LRPPRC: variants seen among roughly 807,000 people sequenced by gnomAD.
LRPPRC encodes leucine rich pentatricopeptide repeat containing.
Under a neutral mutation model 180.3 loss-of-function variants are expected in LRPPRC, and 120 were observed. That is an observed-to-expected ratio of 0.67 (90% confidence interval 0.57 to 0.77). The LOEUF is 0.77. LRPPRC is among the 30% of genes least tolerant of loss of function. The pLI is 0.00. For missense variants in LRPPRC, 2,012 were observed against 1,657.2 expected (o/e 1.21, Z -3.72); for synonymous variants, 723 against 600.0 (o/e 1.21, Z -3.00).
At chr2:43,992,400 T>A (rs115699812) in intron 1 of LRPPRC, among the ~76,000 whole-genome samples, 4 of 152,074 alleles carry the variant, frequency 2.6e-5, no homozygotes, top group Non-Finnish European at 5.9e-5. Flanking sequence ...CACTTCAAAG[T>A]AGTAGTCTGG....
chr2:43,972,842 C>G (rs1673878069), intron 11 of LRPPRC, among the ~76,000 whole-genome samples: 1 of 152,142 alleles, frequency 6.6e-6, no homozygotes, highest in African/African-American at 2.4e-5. Flanking sequence ...CATTCCAAAG[C>G]ACATTATACT....
chr2:43,947,283 G>A lies in LRPPRC; in HGVS notation c.2053C>T (p.Leu685Phe). The A allele has an allele frequency of 6.3e-7, 1 of 1,588,328 alleles. No homozygotes were observed. The highest frequency in any genetic ancestry group is 8.6e-7 in the Non-Finnish European group (1 of 1,159,342). ...NQPIRDVLKQ[L>F]ILVLCSEENM... ...TCTTCTGAACAAAGCACTAATATGAGTTGCTTTAGGACATCTCTTATAGGT... is the reference window on the plus strand; with the variant it reads ...TCTTCTGAACAAAGCACTAATATGAATTGCTTTAGGACATCTCTTATAGGT... The change falls in exon 20 of 38, where the codon CTC becomes TTC. Residue 685 changes from leucine (L) to phenylalanine (F), a missense_variant. Physicochemically the swap from Leu to Phe is conservative, Grantham distance 22. Transcript: ENST00000260665.
upstream of LRPPRC, chr2:43,995,991 A>C (rs1285937000): frequency 2.0e-5 from 30 of 1,520,568 alleles, no homozygotes; most frequent in Non-Finnish European, 2.5e-5. Context: ...CGCCAGAAGG[A>C]CAGGAGGAGC....
chr2:43,948,233 G>A, intron 17 of LRPPRC, 34 bp from the exon 18 acceptor site: 1 of 1,208,688 alleles, frequency 8.3e-7, no homozygotes, highest in Non-Finnish European at 1.2e-6. Flanking sequence ...GAAAAAACCT[G>A]AGTTTTAGAC....
intron 16 of LRPPRC, among the ~76,000 whole-genome samples, chr2:43,948,994 G>C (rs1170976948): frequency 1.3e-5 from 2 of 152,070 alleles, no homozygotes; most frequent in Non-Finnish European, 2.9e-5. Flanking sequence ...ATCCTGTGGA[G>C]AGCTGCCTAT....
At chr2:43,894,291 G>A (rs183978350) in intron 36 of LRPPRC, among the ~76,000 whole-genome samples, 85 of 152,260 alleles carry the variant, frequency 5.6e-4, no homozygotes, top group Middle Eastern at 3.4e-3. Context: ...AATATACCCG[G>A]ACTGCTCGGA....
chr2:43,933,134 G>T lies in LRPPRC; in HGVS notation c.2736+1056C>A, dbSNP rs557233677. Reference sequence around the variant, plus strand: ...AGCACCTGTCCAAGATAGCACGATAGCATGCCCCACTGTCTGCTGACAAGT... The same window carrying T: ...AGCACCTGTCCAAGATAGCACGATATCATGCCCCACTGTCTGCTGACAAGT... On this transcript the variant is annotated intron_variant, in intron 25 of 37. Coordinates refer to ENST00000260665, the MANE Select transcript of LRPPRC (RefSeq NM_133259.4). Among the ~76,000 whole-genome samples, 38 of 152,282 alleles carry T rather than the reference G, an allele frequency of 2.5e-4. No homozygotes were observed. In the South Asian group the frequency reaches 7.3e-3, roughly 29 times the overall value.
In LRPPRC at chr2:43,974,833, C is replaced by T. The variant is rs756515233; in HGVS notation, c.865-75G>A. Reference sequence around the variant, plus strand: ...AAGTATTAAAGCTAAATAAAATATCCAGATTCAAAAAACTAGGGAAAAATA... The same window carrying T: ...AAGTATTAAAGCTAAATAAAATATCTAGATTCAAAAAACTAGGGAAAAATA... On this transcript the variant is annotated intron_variant, in intron 7 of 37. Transcript: ENST00000260665. The T allele has an allele frequency of 7.2e-4, 1,043 of 1,458,638 alleles. 2 individuals are homozygous for T. In the Middle Eastern group the frequency reaches 9.4e-3, roughly 13 times the overall value. The allele number at this position is 1,458,638 out of a possible 1,614,324, so 90.4% of individuals were successfully genotyped here. A position where few individuals can be genotyped will look rare whatever the true frequency, so the allele number is the denominator to read the frequency against.
Position 43,979,422 on chromosome 2 carries a change from A to T in LRPPRC, c.469+404T>A, listed in dbSNP as rs536608937. The stretch of plus-strand genomic sequence containing the variant: ...CCATAATTTATTTACCTAATCCCCT[A>T]GAGAAGAATATTTGAATTGGTTCCA... On this transcript the variant is annotated intron_variant, in intron 3 of 37. Transcript: ENST00000260665. Among the ~76,000 whole-genome samples the T allele has an allele frequency of 6.5e-4, 99 of 152,312 alleles. 1 individual carries two copies. The highest frequency in any genetic ancestry group is 2.4e-3 in the African/African-American group (99 of 41,584).
chr2:43,917,352 TTC>T (rs1050043799), intron 29 of LRPPRC, among the ~76,000 whole-genome samples: 5 of 151,914 alleles, frequency 3.3e-5, no homozygotes, highest in African/African-American at 1.2e-4. Flanking sequence ...CCCGGCCTGC[TTC>T]GTTTTTTATA....
chr2:43,962,034 T>C (rs1432540740), intron 12 of LRPPRC, among the ~76,000 whole-genome samples: 5 of 152,128 alleles, frequency 3.3e-5, no homozygotes, highest in African/African-American at 1.2e-4. Flanking sequence ...TTGTTTTCAA[T>C]CCCAAAACAC....
chr2:43,936,828 A>T (rs1344217734), intron 23 of LRPPRC, among the ~76,000 whole-genome samples: 1 of 152,208 alleles, frequency 6.6e-6, no homozygotes, highest in Non-Finnish European at 1.5e-5. Context: ...TAGATGTTGC[A>T]GGCTGGATTA....
chr2:43,971,209 C>G (rs1475465085), intron 11 of LRPPRC, among the ~76,000 whole-genome samples: 1 of 151,518 alleles, frequency 6.6e-6, no homozygotes, highest in African/African-American at 2.4e-5. Context: ...ATTCTCATTT[C>G]TATGTTTTCT....
In LRPPRC at chr2:43,948,032, G is replaced by A. The variant is rs1672756617; in HGVS notation, c.1920+90C>T. ...TGTCATTGAAACAAATTTTTTTTCT[G>A]ACCAAAAGCATCATATTTAAATAAA... On this transcript the variant is annotated intron_variant, in intron 18 of 37. Transcript: ENST00000260665. The A allele has an allele frequency of 5.2e-6, 5 of 958,218 alleles. No individual in the cohort carries two copies. The East Asian group carries it at 1.2e-4, about 23-fold the overall frequency. 59.4% of individuals were successfully genotyped at this position (958,218 alleles called of 1,614,324 possible). A position where few individuals can be genotyped will look rare whatever the true frequency, so the allele number is the denominator to read the frequency against.
chr2:43,925,869 G>A, intron 26 of LRPPRC, 24 bp downstream of exon 26: 1 of 1,547,332 alleles, frequency 6.5e-7, no homozygotes, highest in South Asian at 1.1e-5. Flanking sequence ...TTAGGTGATT[G>A]AGACATCTGA....
At chr2:43,920,409 T>C (rs113465313) in intron 27 of LRPPRC, among the ~76,000 whole-genome samples, 1 of 152,164 alleles carries the variant, frequency 6.6e-6, no homozygotes, top group Admixed American at 6.6e-5. Context: ...GTGCTGGGAT[T>C]ATAGGTGTGA....
chr2:43,949,915 A>G (rs1672834503), intron 15 of LRPPRC, among the ~76,000 whole-genome samples: 1 of 152,238 alleles, frequency 6.6e-6, no homozygotes, highest in Non-Finnish European at 1.5e-5. Flanking sequence ...GAAAGACTCT[A>G]AACTGATTTA....
At chr2:43,925,736 A>G (rs1298394247) in intron 26 of LRPPRC, among the ~76,000 whole-genome samples, 157 bp downstream of exon 26, 1 of 152,200 alleles carries the variant, frequency 6.6e-6, no homozygotes, top group Non-Finnish European at 1.5e-5. Flanking sequence ...CCTCAGGAAT[A>G]AGAAATAAGC....
intron 25 of LRPPRC, among the ~76,000 whole-genome samples, chr2:43,932,126 A>AAAAAAT (rs1313169657): frequency 2.6e-5 from 3 of 116,400 alleles, no homozygotes; most frequent in Non-Finnish European, 3.8e-5. Context: ...CCTGTCTCAA[A>AAAAAAT]AAAAAAAAAA....
Sources: allele counts gnomAD v4.1 joint callset (sites outside exome capture counted in the v4.1 genomes callset), GRCh38; gene constraint gnomAD v4.1.1; transcripts MANE v1.5; gene names NCBI Gene and HGNC (gene_info 2026-07-23, HGNC 2026-07-21).